The following CHCHD6 variants were observed in gnomAD, a reference collection of about 807,000 sequenced individuals.
CHCHD6 encodes MICOS complex subunit MIC25.
CHCHD6 carries 28 observed loss-of-function variants against 32.3 expected under a neutral mutation model. The ratio of observed to expected loss-of-function variants is 0.87; its 90% CI spans 0.64 to 1.19. The LOEUF (loss-of-function observed/expected upper bound fraction) is 1.19. CHCHD6 is among the 50% of genes most tolerant of loss of function. The pLI, the probability that CHCHD6 is intolerant of heterozygous loss-of-function variation, is 0.00. For missense variants in CHCHD6, 333 were observed against 307.0 expected, an observed-to-expected ratio of 1.08 and a Z score of -0.63; for synonymous variants, 122 against 117.5, an observed-to-expected ratio of 1.04 and a Z score of -0.25.
intron 4 of CHCHD6, among the ~76,000 whole-genome samples, chr3:126,844,978 A>G (rs974393763): frequency 6.6e-6 from 1 of 151,688 alleles, no homozygotes; most frequent in South Asian, 2.1e-4. Flanking sequence ...CTTCTCTAGA[A>G]CCCCCCTGAT....
chr3:126,804,278 G>T (rs1168194172), intron 4 of CHCHD6, among the ~76,000 whole-genome samples: 1 of 152,104 alleles, frequency 6.6e-6, no homozygotes, highest in African/African-American at 2.4e-5. Context: ...CCAGGAGCTG[G>T]TTTTTTGAAA....
At chr3:126,888,044 C>T (rs1313186480) in intron 5 of CHCHD6, among the ~76,000 whole-genome samples, 1 of 152,196 alleles carries the variant, frequency 6.6e-6, no homozygotes, top group East Asian at 1.9e-4. Context: ...CGGGGGGCTG[C>T]TGAGGGGCCC....
At chr3:126,782,875 G>T (rs1938013508) in intron 4 of CHCHD6, among the ~76,000 whole-genome samples, 1 of 152,164 alleles carries the variant, frequency 6.6e-6, no homozygotes, top group African/African-American at 2.4e-5. Context: ...TTTACCAGAA[G>T]GGGGAATGGA....
chr3:126,849,967 A>G (rs1941415295), intron 4 of CHCHD6, among the ~76,000 whole-genome samples: 1 of 152,180 alleles, frequency 6.6e-6, no homozygotes, highest in African/African-American at 2.4e-5. Context: ...AACTGTGTGG[A>G]GTGGCGGGTG....
At chr3:126,728,273 G>A (rs1402675364) in intron 2 of CHCHD6, among the ~76,000 whole-genome samples, 1 of 152,208 alleles carries the variant, frequency 6.6e-6, no homozygotes, top group Non-Finnish European at 1.5e-5. Flanking sequence ...AGACTGATGA[G>A]TTATGTGTCA....
chr3:126,920,692 C>G lies in CHCHD6; in HGVS notation c.566+5942C>G, dbSNP rs185130828. Among the ~76,000 whole-genome samples, 134 of 152,318 alleles carry G rather than the reference C, an allele frequency of 8.8e-4. 1 individual carries two copies. The highest frequency in any genetic ancestry group is 3.2e-3 in the African/African-American group (134 of 41,578). ...TCCTGGCTCCCTAAGTCCTAGCTGC[C>G]CAGGCAGCCTCCACAGGAGCGTTGC... On this transcript the variant is annotated intron_variant, in intron 6 of 7. Transcript: ENST00000290913.
intron 5 of CHCHD6, among the ~76,000 whole-genome samples, chr3:126,862,418 C>CCAT (rs1941953269): frequency 7.5e-6 from 1 of 133,516 alleles, no homozygotes; most frequent in Non-Finnish European, 1.6e-5. Flanking sequence ...TCCTCCTCCA[C>CCAT]CATCACCACC....
chr3:126,862,241 CCACCTCCTCCTCCTCCTCCAT>C (rs1941934200), intron 5 of CHCHD6, among the ~76,000 whole-genome samples: 1 of 114,542 alleles, frequency 8.7e-6, no homozygotes, highest in Non-Finnish European at 1.8e-5. Context: ...TCCTCCATCA[CCACCTCCTCCTCCTCCTCCAT>C]CACCTCCTCC....
chr3:126,930,608 A>G (rs2078390062), intron 6 of CHCHD6, among the ~76,000 whole-genome samples: 1 of 152,208 alleles, frequency 6.6e-6, no homozygotes, highest in African/African-American at 2.4e-5. Context: ...CCTAAAGTCA[A>G]ATCCTGGCTG....
chr3:126,735,305 C>G (rs757871705), intron 4 of CHCHD6, among the ~76,000 whole-genome samples: 1 of 152,234 alleles, frequency 6.6e-6, no homozygotes, highest in Non-Finnish European at 1.5e-5. Flanking sequence ...TTTCTCAGGA[C>G]TATCCCTTGG....
intron 6 of CHCHD6, among the ~76,000 whole-genome samples, chr3:126,946,513 C>T (rs1018514198): frequency 6.6e-6 from 1 of 152,146 alleles, no homozygotes; most frequent in African/African-American, 2.4e-5. Flanking sequence ...GGCTCTCTCG[C>T]AAGCCTCAGC....
intron 4 of CHCHD6, among the ~76,000 whole-genome samples, chr3:126,754,798 G>C (rs1936883905): frequency 6.6e-6 from 1 of 152,182 alleles, no homozygotes; most frequent in Non-Finnish European, 1.5e-5. Context: ...AGCAGGACCT[G>C]TTTAGGAGCC....
intron 5 of CHCHD6, chr3:126,865,483 TC>T: frequency 1.3e-6 from 1 of 784,920 alleles, no homozygotes; most frequent in Non-Finnish European, 1.5e-6. Context: ...ATCAACTCCA[TC>T]ACCAACTTCG....
intron 5 of CHCHD6, among the ~76,000 whole-genome samples, chr3:126,863,332 TC>T (rs1942035100): frequency 1.0e-5 from 1 of 99,756 alleles, no homozygotes; most frequent in African/African-American, 3.9e-5. Context: ...CTCCTCCTCC[TC>T]CTCCATCACC....
At chr3:126,797,634 C>G (rs1406297246) in intron 4 of CHCHD6, among the ~76,000 whole-genome samples, 1 of 152,088 alleles carries the variant, frequency 6.6e-6, no homozygotes, top group African/African-American at 2.4e-5. Context: ...TAAAAAGTTA[C>G]TACCTATTTG....
intron 4 of CHCHD6, among the ~76,000 whole-genome samples, chr3:126,787,872 A>G (rs1041417293): frequency 9.9e-5 from 15 of 152,170 alleles, no homozygotes; most frequent in African/African-American, 1.2e-4. Flanking sequence ...GTTGAATAGG[A>G]GTGGTGAGAG....
At chr3:126,811,349 A>G (rs1939646329) in intron 4 of CHCHD6, among the ~76,000 whole-genome samples, 1 of 152,190 alleles carries the variant, frequency 6.6e-6, no homozygotes, top group South Asian at 2.1e-4. Context: ...CTGTAGGAAT[A>G]TGGCTCTACT....
chr3:126,930,810 CAA>C (rs1313819072), intron 6 of CHCHD6, among the ~76,000 whole-genome samples: 1 of 152,224 alleles, frequency 6.6e-6, no homozygotes, highest in East Asian at 1.9e-4. Flanking sequence ...AGAAGCAAAA[CAA>C]GAGGTGCTGT....
At chr3:126,773,806 A>G (rs191328230) in intron 4 of CHCHD6, among the ~76,000 whole-genome samples, 24 of 152,000 alleles carry the variant, frequency 1.6e-4, no homozygotes, top group African/African-American at 5.8e-4. Context: ...GGGTTTCACT[A>G]TGTTGCCCAG....
Sources: allele counts gnomAD v4.1 joint callset (sites outside exome capture counted in the v4.1 genomes callset), GRCh38; gene constraint gnomAD v4.1.1; transcripts MANE v1.5; gene names NCBI Gene and HGNC (gene_info 2026-07-23, HGNC 2026-07-21).